Variants in ATP8B4 observed in about 807,000 individuals in gnomAD.
ATP8B4 encodes the protein ATPase phospholipid transporting 8B4 (putative).
Under a neutral mutation model 145.6 loss-of-function variants are expected in ATP8B4, and 133 were observed. The observed-to-expected ratio is 0.91, with a 90% CI of 0.79 to 1.05. The LOEUF (loss-of-function observed/expected upper bound fraction) is 1.05. Among genes scored for constraint, ATP8B4 ranks in the 50% least tolerant of loss-of-function variants. ATP8B4 has a pLI of 0.00. For synonymous variants in ATP8B4, 507 were observed against 492.9 expected (o/e 1.03, Z -0.38); for missense variants, 1,458 against 1,425.2 (o/e 1.02, Z -0.37).
chr15:49,991,398 A>G (rs1395964047), intron 9 of ATP8B4, among the ~76,000 whole-genome samples: 1 of 152,200 alleles, frequency 6.6e-6, no homozygotes, highest in Non-Finnish European at 1.5e-5. Flanking sequence ...ACAATATGCA[A>G]AAGATTCTTA....
chr15:50,056,885 T>A (rs1246774745), intron 3 of ATP8B4, among the ~76,000 whole-genome samples: 1 of 152,022 alleles, frequency 6.6e-6, no homozygotes, highest in Non-Finnish European at 1.5e-5. Context: ...TAGATTAATT[T>A]CTTTTTATTT....
Position 49,993,210 on chromosome 15 carries a change from A to G in ATP8B4, c.589+3467T>C, listed in dbSNP as rs139021172. ...CTAATATGGAGAGAGTGATAAAAACAAAGATAAAGAATGACAGAAAAGTGA... is the reference window on the plus strand; with the variant it reads ...CTAATATGGAGAGAGTGATAAAAACGAAGATAAAGAATGACAGAAAAGTGA... On this transcript the variant is annotated intron_variant, in intron 9 of 27. Transcript: ENST00000284509. 6.7e-3 allele frequency among the ~76,000 whole-genome samples: 1,024 copies of G among 152,252 alleles called. 16 individuals carry two copies. Among genetic ancestry groups the G allele is most frequent in the African/African-American group, 0.023 (974 of 41,554 alleles).
At chr15:50,178,320 G>A (rs554937160) in intron 1 of ATP8B4, among the ~76,000 whole-genome samples, 2 of 152,270 alleles carry the variant, frequency 1.3e-5, no homozygotes, top group African/African-American at 2.4e-5. Flanking sequence ...TGAGATCTCA[G>A]TGCTGACAAA....
intron 6 of ATP8B4, among the ~76,000 whole-genome samples, chr15:50,014,257 G>C (rs988198963): frequency 1.3e-5 from 2 of 152,034 alleles, no homozygotes; most frequent in African/African-American, 4.8e-5. Flanking sequence ...CCTGAGCTTG[G>C]TTTCTTCTTT....
chr15:50,057,075 A>T (rs2052665223), intron 3 of ATP8B4, among the ~76,000 whole-genome samples: 1 of 152,014 alleles, frequency 6.6e-6, no homozygotes, highest in African/African-American at 2.4e-5. Context: ...AACTTTGAAA[A>T]CTGTGGACTA....
chr15:50,141,515 T>C (rs2044209485), intron 1 of ATP8B4, among the ~76,000 whole-genome samples: 8 of 152,110 alleles, frequency 5.3e-5, no homozygotes, highest in Admixed American at 5.2e-4. Context: ...GAGCGTCTCT[T>C]AAGTAACAGG....
At chr15:49,897,755 G>C (rs1321684719) in intron 22 of ATP8B4, among the ~76,000 whole-genome samples, 1 of 152,180 alleles carries the variant, frequency 6.6e-6, no homozygotes, top group African/African-American at 2.4e-5. Flanking sequence ...GGCAAAGATG[G>C]GGTTAAAGTC....
chr15:50,157,016 G>A (rs57187078), intron 1 of ATP8B4, among the ~76,000 whole-genome samples: 83,660 of 151,916 alleles, frequency 0.55, 23,935 homozygotes, highest in East Asian at 0.93. Context: ...AGACCAAAAT[G>A]AAACCAAGAT....
In ATP8B4 at chr15:49,937,805, A is replaced by G. The variant is rs540594779; in HGVS notation, c.1288-3623T>C. 6.0e-4 allele frequency among the ~76,000 whole-genome samples: 92 copies of G among 152,328 alleles called. 1 individual carries two copies. The highest frequency in any genetic ancestry group is 2.2e-3 in the African/African-American group (91 of 41,580). Reference sequence around the variant, plus strand: ...TTCAGGATATATCAGCCATTCATTGATTAATACACAATACAGTATGCTTTG... The same window carrying G: ...TTCAGGATATATCAGCCATTCATTGGTTAATACACAATACAGTATGCTTTG... On this transcript the variant is annotated intron_variant, in intron 14 of 27. Transcript: ENST00000284509.
intron 17 of ATP8B4, among the ~76,000 whole-genome samples, chr15:49,921,829 A>G (rs1180749648): frequency 2.0e-5 from 3 of 152,192 alleles, no homozygotes; most frequent in African/African-American, 4.8e-5. Context: ...TTGGAATCAC[A>G]TTTTGCAAGC....
chr15:49,994,493 T>A (rs1009714621), intron 9 of ATP8B4, among the ~76,000 whole-genome samples: 2 of 152,138 alleles, frequency 1.3e-5, no homozygotes, highest in African/African-American at 4.8e-5. Context: ...TTCTAGAAGC[T>A]TGGCGTACAT....
intron 10 of ATP8B4, among the ~76,000 whole-genome samples, chr15:49,983,735 C>A (rs1244365718): frequency 6.6e-6 from 1 of 152,204 alleles, no homozygotes; most frequent in East Asian, 1.9e-4. Flanking sequence ...AAAGACCAAA[C>A]TTCTGGATAC....
chr15:49,913,525 A>T (rs1312832674), intron 20 of ATP8B4, among the ~76,000 whole-genome samples: 1 of 152,188 alleles, frequency 6.6e-6, no homozygotes, highest in East Asian at 1.9e-4. Flanking sequence ...AGTCAGAGCA[A>T]TCAGGCAAGA....
rs117971188 is a variant in ATP8B4 at position 50,104,819 on chromosome 15, C to T, written c.28+2120G>A. Reference sequence around the variant, plus strand: ...TTCTCAATCGCAAAAAATATGGAAGCAGCCAAAATGCCCATCAATCAACGA... The same window carrying T: ...TTCTCAATCGCAAAAAATATGGAAGTAGCCAAAATGCCCATCAATCAACGA... On this transcript the variant is annotated intron_variant, in intron 2 of 27. Coordinates refer to ENST00000284509, the MANE Select transcript of ATP8B4 (RefSeq NM_024837.4). 5.3e-5 allele frequency among the ~76,000 whole-genome samples: 8 copies of T among 151,332 alleles called. No homozygotes were observed. In the East Asian group the frequency reaches 1.6e-3, roughly 29 times the overall value.
intron 6 of ATP8B4, among the ~76,000 whole-genome samples, chr15:50,025,438 T>C (rs949243335): frequency 6.6e-6 from 1 of 152,190 alleles, no homozygotes; most frequent in South Asian, 2.1e-4. Context: ...CAGTCCCTCA[T>C]AATCACCATC....
chr15:50,096,612 G>C (rs2056003919), intron 2 of ATP8B4, among the ~76,000 whole-genome samples: 1 of 152,102 alleles, frequency 6.6e-6, no homozygotes, highest in African/African-American at 2.4e-5. Flanking sequence ...CTAGGACTAA[G>C]GACTGCAATG....
intron 1 of ATP8B4, among the ~76,000 whole-genome samples, chr15:50,176,368 A>C (rs1377989270): frequency 6.6e-6 from 1 of 152,088 alleles, no homozygotes; most frequent in Non-Finnish European, 1.5e-5. Context: ...GGGACTTGGG[A>C]AGAGTAGAAG....
At chr15:49,929,648 A>G (rs2041074231) in intron 16 of ATP8B4, among the ~76,000 whole-genome samples, 1 of 152,070 alleles carries the variant, frequency 6.6e-6, no homozygotes, top group Non-Finnish European at 1.5e-5. Flanking sequence ...AGAGAAAAGG[A>G]CATCAATATT....
At chr15:50,073,446 T>C (rs576763985) in intron 3 of ATP8B4, among the ~76,000 whole-genome samples, 12 of 152,196 alleles carry the variant, frequency 7.9e-5, no homozygotes, top group Non-Finnish European at 1.2e-4. Flanking sequence ...TAGCATTCCA[T>C]GGTGTATATG....
Sources: allele counts gnomAD v4.1 joint callset (sites outside exome capture counted in the v4.1 genomes callset), GRCh38; gene constraint gnomAD v4.1.1; transcripts MANE v1.5; gene names NCBI Gene and HGNC (gene_info 2026-07-23, HGNC 2026-07-21).